Variants in KLF12 observed in about 807,000 individuals in gnomAD.
KLF12 encodes the protein KLF transcription factor 12.
A neutral mutation model predicts 37.8 loss-of-function variants in KLF12; 9 were observed. That is an observed-to-expected ratio of 0.24 (90% CI 0.14 to 0.42). The LOEUF is 0.42. KLF12 is among the 10% of genes least tolerant of loss of function. The probability of loss-of-function intolerance (pLI) is 1.00; values close to 1 mark genes in which losing one functional copy is unlikely to be tolerated. For missense variants in KLF12, 411 were observed against 516.0 expected (o/e 0.80, Z 1.97); for synonymous variants, 208 against 202.1 (o/e 1.03, Z -0.25).
the KLF12 span, among the ~76,000 whole-genome samples, chr13:74,238,760 T>C: frequency 6.6e-6 from 1 of 151,996 alleles, no homozygotes; most frequent in Non-Finnish European, 1.5e-5. Flanking sequence ...GATGGTAGTT[T>C]GTATTTCTGT....
At chr13:74,037,314 G>C (rs1893276525) in intron 1 of KLF12, among the ~76,000 whole-genome samples, 1 of 150,990 alleles carries the variant, frequency 6.6e-6, no homozygotes, top group Non-Finnish European at 1.5e-5. Flanking sequence ...TTTCCACCTT[G>C]CTTACATAAA....
At chr13:73,764,422 C>T (rs547801244) in intron 6 of KLF12, among the ~76,000 whole-genome samples, 4 of 151,208 alleles carry the variant, frequency 2.6e-5, no homozygotes, top group African/African-American at 9.7e-5. Flanking sequence ...AAAATTCCAT[C>T]TATATTTTTG....
At chr13:74,269,825 G>A in the KLF12 span, among the ~76,000 whole-genome samples, 1 of 152,160 alleles carries the variant, frequency 6.6e-6, no homozygotes, top group Non-Finnish European at 1.5e-5. Flanking sequence ...TGGATAATGA[G>A]CCGCTCATGC....
At chr13:73,943,076 A>G (rs1218994891) in intron 3 of KLF12, among the ~76,000 whole-genome samples, 3 of 152,172 alleles carry the variant, frequency 2.0e-5, no homozygotes, top group Non-Finnish European at 4.4e-5. Context: ...TAACAGTGAG[A>G]TTTTATTCAC....
intron 1 of KLF12, among the ~76,000 whole-genome samples, chr13:74,085,504 C>T (rs1323312061): frequency 1.3e-5 from 2 of 152,176 alleles, no homozygotes; most frequent in African/African-American, 2.4e-5. Flanking sequence ...TGAATTCTCA[C>T]GCTTCCTTGA....
intron 1 of KLF12, among the ~76,000 whole-genome samples, chr13:74,010,436 G>A (rs1451642892): frequency 6.6e-6 from 1 of 152,154 alleles, no homozygotes; most frequent in Non-Finnish European, 1.5e-5. Flanking sequence ...GATGCTGGAT[G>A]AGATGTGGCA....
At chr13:74,251,356 G>A in the KLF12 span, among the ~76,000 whole-genome samples, 1 of 151,940 alleles carries the variant, frequency 6.6e-6, no homozygotes, top group Non-Finnish European at 1.5e-5. Flanking sequence ...ATGTTGGGCA[G>A]GCTGGTCTTG....
rs536748005 is a variant in KLF12 at position 73,766,059 on chromosome 13, C to G, written c.807-1059G>C. Among the ~76,000 whole-genome samples the G allele has an allele frequency of 1.1e-3, 169 of 152,296 alleles. 2 individuals carry two copies. The highest frequency in any genetic ancestry group is 3.4e-3 in the Middle Eastern group (1 of 294). ...TCCCTAAACCCAGAGCCAGACTGCA[C>G]TTTGCACTCGGAAGGCTTATTTCTT... On this transcript the variant is annotated intron_variant, in intron 5 of 7. Transcript: ENST00000377669.
intron 6 of KLF12, among the ~76,000 whole-genome samples, chr13:73,720,301 C>G (rs1052164040): frequency 6.6e-6 from 1 of 152,162 alleles, no homozygotes; most frequent in African/African-American, 2.4e-5. Context: ...CAGAAGGCAC[C>G]TGAAGAATCC....
intron 3 of KLF12, among the ~76,000 whole-genome samples, chr13:73,894,606 G>T (rs1887670919): frequency 6.6e-6 from 1 of 152,038 alleles, no homozygotes; most frequent in Non-Finnish European, 1.5e-5. Flanking sequence ...CTCATTTGAG[G>T]TATTCAATCA....
At chr13:73,715,633 C>T (rs1875745399) in intron 6 of KLF12, 108 bp from the exon 7 acceptor site, 4 of 1,042,684 alleles carry the variant, frequency 3.8e-6, no homozygotes, top group South Asian at 1.6e-5. Flanking sequence ...AGACTCAAGG[C>T]CACCATGACC....
intron 1 of KLF12, among the ~76,000 whole-genome samples, chr13:74,078,253 T>C (rs1287586575): frequency 2.6e-5 from 4 of 152,190 alleles, no homozygotes; most frequent in African/African-American, 9.7e-5. Context: ...AGTATAACTT[T>C]TTACAATTAG....
chr13:74,179,199 G>C, the KLF12 span, among the ~76,000 whole-genome samples: 10 of 152,322 alleles, frequency 6.6e-5, no homozygotes, highest in East Asian at 1.7e-3. Context: ...TTATAAAAGA[G>C]AGAGAAGCAA....
At chr13:74,082,516 CT>C (rs1018252000) in intron 1 of KLF12, among the ~76,000 whole-genome samples, 1 of 151,828 alleles carries the variant, frequency 6.6e-6, no homozygotes, top group African/African-American at 2.4e-5. Context: ...CTCCCCAACC[CT>C]TTTTTTTCCA....
At chr13:74,219,368 T>A in the KLF12 span, among the ~76,000 whole-genome samples, 1 of 152,254 alleles carries the variant, frequency 6.6e-6, no homozygotes, top group Admixed American at 6.5e-5. Flanking sequence ...TATTTCCATG[T>A]GAGTATAAAA....
the KLF12 span, among the ~76,000 whole-genome samples, chr13:74,200,059 A>G: frequency 6.6e-6 from 1 of 152,186 alleles, no homozygotes; most frequent in South Asian, 2.1e-4. Context: ...CCACTCAAGG[A>G]GATCACACGG....
chr13:74,163,549 G>A, the KLF12 span, among the ~76,000 whole-genome samples: 1 of 152,050 alleles, frequency 6.6e-6, no homozygotes, highest in African/African-American at 2.4e-5. Flanking sequence ...GAACTAGAGA[G>A]TAGAAAGATA....
intron 6 of KLF12, among the ~76,000 whole-genome samples, chr13:73,738,680 GT>G (rs1877714041): frequency 6.6e-6 from 1 of 152,096 alleles, no homozygotes; most frequent in Non-Finnish European, 1.5e-5. Flanking sequence ...AACATGAATG[GT>G]AAGATTACCC....
At chr13:73,913,385 G>T (rs886986497) in intron 3 of KLF12, among the ~76,000 whole-genome samples, 2 of 152,204 alleles carry the variant, frequency 1.3e-5, no homozygotes, top group Non-Finnish European at 2.9e-5. Context: ...CTACAGGAAC[G>T]AGGGCTAGTC....
Sources: gnomAD v4.1 joint callset for allele counts (sites outside exome capture counted in the v4.1 genomes callset) on GRCh38, gnomAD v4.1.1 for gene constraint, MANE v1.5 for transcripts, NCBI Gene and HGNC (gene_info 2026-07-23, HGNC 2026-07-21) for gene names.